ZNF33B: variants seen among roughly 807,000 people sequenced by gnomAD.
ZNF33B encodes the protein zinc finger protein 11b (KOX 2).
Under a neutral mutation model 45.8 loss-of-function variants are expected in ZNF33B, and 29 were observed. That is an observed-to-expected ratio of 0.63 (90% CI 0.47 to 0.86). The LOEUF (loss-of-function observed/expected upper bound fraction) is 0.86. ZNF33B is among the 40% of genes least tolerant of loss of function. The pLI is 0.00. For synonymous variants in ZNF33B, 305 were observed against 307.8 expected, an observed-to-expected ratio of 0.99 and a Z score of 0.10; for missense variants, 831 against 909.9, an observed-to-expected ratio of 0.91 and a Z score of 1.12.
At chr10:42,575,190 A>T (rs535592048) in intron 1 of ZNF33B, among the ~76,000 whole-genome samples, 2 of 152,332 alleles carry the variant, frequency 1.3e-5, no homozygotes, top group African/African-American at 4.8e-5. Flanking sequence ...GACGACACAG[A>T]GTGACTATCA....
intron 1 of ZNF33B, among the ~76,000 whole-genome samples, chr10:42,576,934 A>G (rs528416591): frequency 1.3e-5 from 2 of 152,030 alleles, no homozygotes; most frequent in African/African-American, 4.8e-5. Context: ...GGAGTTTGAG[A>G]CCAGCCTGAC....
At chr10:42,627,426 T>C (rs1838860544) in intron 4 of ZNF33B, among the ~76,000 whole-genome samples, 1 of 152,266 alleles carries the variant, frequency 6.6e-6, no homozygotes, top group East Asian at 1.9e-4. Flanking sequence ...TCTCATTTTA[T>C]ATTTTTAATC....
intron 4 of ZNF33B, among the ~76,000 whole-genome samples, chr10:42,616,780 C>G (rs1838338242): frequency 6.6e-6 from 1 of 152,098 alleles, no homozygotes; most frequent in Non-Finnish European, 1.5e-5. Context: ...ACTGCAACCT[C>G]CGCCTCCCGG....
chr10:42,624,334 T>C (rs186407146), intron 4 of ZNF33B, among the ~76,000 whole-genome samples: 1 of 152,352 alleles, frequency 6.6e-6, no homozygotes, highest in African/African-American at 2.4e-5. Context: ...TGAAGTTTTC[T>C]ATTCTTTTCC....
chr10:42,576,208 C>T lies in ZNF33B; in HGVS notation c.74-1530G>A, dbSNP rs530672426. Reference sequence around the variant, plus strand: ...TTCACCATGTTTCCCAGGGTGGTCTCGAACTCCTGAGCTCAGGCGATCTGC... The same window carrying T: ...TTCACCATGTTTCCCAGGGTGGTCTTGAACTCCTGAGCTCAGGCGATCTGC... On this transcript the variant is annotated intron_variant, in intron 1 of 1. Transcript: ENST00000462075. Among the ~76,000 whole-genome samples the T allele has an allele frequency of 1.4e-4, 21 of 152,062 alleles. No individual in the cohort carries two copies. In the East Asian group the frequency reaches 2.1e-3, roughly 15 times the overall value.
At chr10:42,631,166 A>T in intron 4 of ZNF33B, among the ~76,000 whole-genome samples, 1 of 152,300 alleles carries the variant, frequency 6.6e-6, no homozygotes, top group Middle Eastern at 3.4e-3. Flanking sequence ...ACATAAGTAT[A>T]CATAATATAC....
At chr10:42,606,587 C>G (rs1242533978) in intron 4 of ZNF33B, among the ~76,000 whole-genome samples, 2 of 152,038 alleles carry the variant, frequency 1.3e-5, no homozygotes, top group South Asian at 2.1e-4. Flanking sequence ...GTATACCAAA[C>G]TCTACAAATA....
At position 42,594,549 on chromosome 10, in the gene ZNF33B, G is replaced by C. The variant is rs1211177586; in HGVS notation, c.401C>G (p.Pro134Arg). ...ATACTGACAGAACATTTTTCTGGAA[G>C]GAAAAGAACTTACGTCCATGTTAAA... ...IPFNMDVSSF[P>R]SRKMFCQYDS... The change falls in exon 5 of 5, where the codon CCT becomes CGT. Residue 134 changes from proline (P) to arginine (R), a missense_variant. Transcript: ENST00000359467. The C allele has an allele frequency of 6.2e-7, 1 of 1,613,182 alleles. No homozygotes were observed. The highest frequency in any genetic ancestry group is 8.5e-7 in the Non-Finnish European group (1 of 1,179,664).
chr10:42,593,085 G>A lies in ZNF33B; in HGVS notation c.1865C>T (p.Ser622Leu), dbSNP rs376921181. Residue 622 changes from serine to leucine, a missense_variant, in exon 5 of 5, where the codon TCA (serine) becomes TTA (leucine). By Grantham distance (145) the Ser-to-Leu change is moderately radical. Transcript: ENST00000359467. ...AATTCTCTGATGCTGAGTGAGTTGT[G>A]ACTTCTGGCAGAAGGTTTTTCCACA... ...NECGKTFCQK[S>L]QLTQHQRIHI... is the part of the protein sequence containing the mutation. 1.8e-5 allele frequency: 29 copies of A among 1,614,064 alleles called. No individual in the cohort carries two copies. Among genetic ancestry groups the A allele is most frequent in the Non-Finnish European group, 2.2e-5 (26 of 1,179,982 alleles).
At chr10:42,609,405 G>A (rs918234585) in intron 4 of ZNF33B, among the ~76,000 whole-genome samples, 3 of 152,126 alleles carry the variant, frequency 2.0e-5, no homozygotes, top group African/African-American at 7.2e-5. Context: ...GCAATATAGT[G>A]AGGCTCTGTC....
intron 4 of ZNF33B, among the ~76,000 whole-genome samples, chr10:42,600,057 A>C (rs1290828624): frequency 6.6e-6 from 1 of 152,146 alleles, no homozygotes; most frequent in African/African-American, 2.4e-5. Flanking sequence ...AAAATACTCT[A>C]TATGACTTCA....
Position 42,594,194 on chromosome 10 carries a change from A to G in ZNF33B, c.756T>C (p.Phe252=). 2 of 1,613,746 alleles carry G rather than the reference A, an allele frequency of 1.2e-6. No individual in the cohort carries two copies. The highest frequency in any genetic ancestry group is 8.5e-7 in the Non-Finnish European group (1 of 1,179,912). ...ATGAACTATCACAGAAAGTTCTCCC[A>G]AATTCATTATAGTCACAGTTATTCT... ...AEENNCDYNE[F]GRTFCDSSSL... is the part of the protein sequence containing the mutation. The change falls in exon 5 of 5, where the codon TTT becomes TTC. Residue 252 remains phenylalanine, a synonymous_variant. Transcript: ENST00000359467.
intron 4 of ZNF33B, among the ~76,000 whole-genome samples, chr10:42,626,081 T>C (rs1355313432): frequency 6.6e-6 from 1 of 152,252 alleles, no homozygotes; most frequent in African/African-American, 2.4e-5. Context: ...AGAGATTTTT[T>C]ATCATGGATG....
intron 4 of ZNF33B, among the ~76,000 whole-genome samples, chr10:42,618,915 C>T (rs1838448757): frequency 6.6e-6 from 1 of 152,050 alleles, no homozygotes; most frequent in Non-Finnish European, 1.5e-5. Context: ...TTGATCTGCA[C>T]CAGACAACCC....
chr10:42,604,184 C>T (rs1475009393), intron 4 of ZNF33B, among the ~76,000 whole-genome samples: 2 of 152,200 alleles, frequency 1.3e-5, no homozygotes, highest in African/African-American at 4.8e-5. Context: ...GTGGCTCACG[C>T]CTGTAATCCC....
rs188122385 is a variant in ZNF33B, at chr10:42,600,136, C to T, written c.251-5437G>A. On this transcript the variant is annotated intron_variant, in intron 4 of 4. Transcript: ENST00000359467. ...ATTTACCTTTGTTAATATATTCGTT[C>T]ATCTGCCCTTGAAAAGAATGTATAT... 8.5e-5 allele frequency among the ~76,000 whole-genome samples: 13 copies of T among 152,162 alleles called. No homozygotes were observed. The East Asian group carries it at 2.5e-3, about 29-fold the overall frequency.
At chr10:42,630,349 T>G (rs992964133) in intron 4 of ZNF33B, among the ~76,000 whole-genome samples, 13 of 152,202 alleles carry the variant, frequency 8.5e-5, no homozygotes, top group African/African-American at 3.1e-4. Flanking sequence ...AGTCATTCCC[T>G]GCAGGGAATG....
At chr10:42,637,446 A>C (rs1309973744) in intron 1 of ZNF33B, among the ~76,000 whole-genome samples, 11 of 152,318 alleles carry the variant, frequency 7.2e-5, no homozygotes. Flanking sequence ...TAATTTCTTC[A>C]TCTAACTTTG....
At chr10:42,583,266 C>A in intron 1 of ZNF33B, 1 of 562,326 alleles carries the variant, frequency 1.8e-6, no homozygotes, top group Non-Finnish European at 3.3e-6. Context: ...GATGCCATCA[C>A]TAAACCACAG....
Sources: gnomAD v4.1 joint callset for allele counts (sites outside exome capture counted in the v4.1 genomes callset) on GRCh38, gnomAD v4.1.1 for gene constraint, MANE v1.5 for transcripts, NCBI Gene and HGNC (gene_info 2026-07-23, HGNC 2026-07-21) for gene names.